DRAM1: variants seen among roughly 807,000 people sequenced by gnomAD.
DRAM1 encodes DNA damage regulated autophagy modulator 1.
DRAM1 carries 25 observed loss-of-function variants against 28.5 expected under a neutral mutation model. The observed-to-expected ratio is 0.88, with a 90% CI of 0.64 to 1.23. The LOEUF is 1.23. Among genes scored for constraint, DRAM1 ranks in the 50% most tolerant of loss-of-function variants. The probability of loss-of-function intolerance (pLI) is 0.00; values close to 1 mark genes in which losing one functional copy is unlikely to be tolerated. For missense variants in DRAM1, 249 were observed against 299.2 expected (o/e 0.83, Z 1.24); for synonymous variants, 113 against 114.2 (o/e 0.99, Z 0.07).
intron 1 of DRAM1, among the ~76,000 whole-genome samples, chr12:101,885,682 A>G (rs950056468): frequency 8.6e-5 from 13 of 152,034 alleles, no homozygotes; most frequent in African/African-American, 3.1e-4. Context: ...GCCCGCCACC[A>G]TGCCCACCTA....
At chr12:101,897,067 G>A (rs1414450988) in intron 1 of DRAM1, among the ~76,000 whole-genome samples, 9 of 152,182 alleles carry the variant, frequency 5.9e-5, no homozygotes, top group Non-Finnish European at 1.2e-4. Flanking sequence ...GATTACAGGC[G>A]TGAGCCACCG....
intron 3 of DRAM1, chr12:101,901,653 A>G: frequency 2.0e-6 from 1 of 501,142 alleles, no homozygotes; most frequent in Non-Finnish European, 3.5e-6. Flanking sequence ...TGGGAAACTG[A>G]GGTGGATCAT....
intron 5 of DRAM1, among the ~76,000 whole-genome samples, chr12:101,915,527 C>T (rs79155741): frequency 0.047 from 6,975 of 148,074 alleles, 551 homozygotes; most frequent in African/African-American, 0.16. Context: ...CCTAGGTGAC[C>T]AGAGTAAGAC....
In DRAM1 at chr12:101,888,786, ATTTTTTTTTTTTTTTT is replaced by A. The variant is rs34825466; in HGVS notation, c.132-9062_132-9047del. The stretch of plus-strand genomic sequence containing the variant: ...GGGCTGATGACTTTCAAACATCTCA[ATTTTTTTTTTTTTTTT>A]TTTTTTTTTTTTTTGGTCAGGGGAC... On this transcript the variant is annotated intron_variant, in intron 1 of 6. Coordinates refer to ENST00000258534, the MANE Select transcript of DRAM1 (RefSeq NM_018370.3). Among the ~76,000 whole-genome samples the A allele has an allele frequency of 3.0e-4, 32 of 107,966 alleles. No homozygotes were observed. In the Middle Eastern group the frequency reaches 0.014, roughly 49 times the overall value. The allele number at this position is 107,966 out of a possible 152,430, so 70.8% of individuals were successfully genotyped here.
In DRAM1 at chr12:101,880,278, C is replaced by CTTTTTTTT. The variant is rs61082909; in HGVS notation, c.131+2378_131+2385dup. 6.4e-4 allele frequency among the ~76,000 whole-genome samples: 45 copies of CTTTTTTTT among 70,096 alleles called. 1 individual carries two copies. The highest frequency in any genetic ancestry group is 8.8e-4 in the Non-Finnish European group (36 of 40,784). 46.0% of individuals were successfully genotyped at this position (70,096 alleles called of 152,430 possible). On this transcript the variant is annotated intron_variant, in intron 1 of 6. Transcript: ENST00000258534. ...ATCTTGCTGTGTCCTGCAATGCTTC[C>CTTTTTTTT]TTTTTTTTTTTTTTTTTTTTTTTTT... is the stretch of plus-strand genomic sequence containing the variant.
intron 1 of DRAM1, among the ~76,000 whole-genome samples, chr12:101,893,594 T>C (rs1472915658): frequency 6.6e-6 from 1 of 152,222 alleles, no homozygotes; most frequent in East Asian, 1.9e-4. Flanking sequence ...TGTGTAGCTC[T>C]GTGATCTTGA....
chr12:101,899,072 A>G (rs1040926389), intron 2 of DRAM1, among the ~76,000 whole-genome samples: 2 of 152,004 alleles, frequency 1.3e-5, no homozygotes, highest in Non-Finnish European at 2.9e-5. Context: ...GTTCCTCTCT[A>G]CTGGTACAGT....
chr12:101,896,616 A>G (rs1168843238), intron 1 of DRAM1, among the ~76,000 whole-genome samples: 1 of 152,140 alleles, frequency 6.6e-6, no homozygotes, highest in Admixed American at 6.5e-5. Context: ...AAAAAAAAAG[A>G]ACATGTCAAA....
chr12:101,891,663 A>G (rs1017971938), intron 1 of DRAM1, among the ~76,000 whole-genome samples: 1 of 152,258 alleles, frequency 6.6e-6, no homozygotes, highest in Non-Finnish European at 1.5e-5. Context: ...CTGTGTATAC[A>G]TAACAGCCTC....
chr12:101,890,376 G>C (rs1326915418), intron 1 of DRAM1, among the ~76,000 whole-genome samples: 1 of 72,756 alleles, frequency 1.4e-5, no homozygotes, highest in Non-Finnish European at 2.4e-5. Flanking sequence ...CACCGAGCCC[G>C]GCCCTATTTT....
intron 1 of DRAM1, among the ~76,000 whole-genome samples, chr12:101,896,883 G>A (rs927229938): frequency 6.6e-6 from 1 of 151,826 alleles, no homozygotes; most frequent in Non-Finnish European, 1.5e-5. Context: ...CGCCTCCTGG[G>A]TTCAAGTGAT....
chr12:101,896,475 A>G (rs1321202047), intron 1 of DRAM1, among the ~76,000 whole-genome samples: 2 of 152,140 alleles, frequency 1.3e-5, no homozygotes, highest in African/African-American at 4.8e-5. Context: ...AGAAAATAGA[A>G]CATGTTGGCC....
chr12:101,898,933 C>G (rs564479954), intron 2 of DRAM1, among the ~76,000 whole-genome samples: 1 of 152,274 alleles, frequency 6.6e-6, no homozygotes, highest in Admixed American at 6.5e-5. Context: ...TAATGTAAAG[C>G]TCAGTCTTCT....
chr12:101,907,493 C>T (rs979069043), intron 3 of DRAM1, among the ~76,000 whole-genome samples: 12 of 152,228 alleles, frequency 7.9e-5, no homozygotes, highest in African/African-American at 2.9e-4. Flanking sequence ...GTAATCCCAG[C>T]ACTTTGGGAG....
chr12:101,901,901 T>C (rs956522425), intron 3 of DRAM1, among the ~76,000 whole-genome samples: 6 of 149,228 alleles, frequency 4.0e-5, no homozygotes, highest in Admixed American at 4.0e-4. Context: ...TGAAAGTGAG[T>C]TCTGATACTT....
intron 1 of DRAM1, among the ~76,000 whole-genome samples, chr12:101,888,786 ATTTTTTTTT>A (rs34825466): frequency 1.9e-5 from 2 of 107,938 alleles, no homozygotes; most frequent in Non-Finnish European, 3.5e-5. Flanking sequence ...AAACATCTCA[ATTTTTTTTT>A]TTTTTTTTTT....
At chr12:101,889,616 G>GT (rs1368660474) in intron 1 of DRAM1, among the ~76,000 whole-genome samples, 2 of 152,190 alleles carry the variant, frequency 1.3e-5, no homozygotes, top group Non-Finnish European at 2.9e-5. Flanking sequence ...GATCAAGTTA[G>GT]TTTTCTAAGA....
intron 6 of DRAM1, 103 bp from the exon 7 acceptor site, chr12:101,921,113 G>A: frequency 1.2e-6 from 1 of 863,992 alleles, no homozygotes; most frequent in Non-Finnish European, 2.0e-6. Flanking sequence ...ACAAACCATA[G>A]TGAGATCATT....
At chr12:101,895,436 C>T (rs960944654) in intron 1 of DRAM1, among the ~76,000 whole-genome samples, 1 of 150,898 alleles carries the variant, frequency 6.6e-6, no homozygotes, top group Non-Finnish European at 1.5e-5. Flanking sequence ...CCTCGGCCCA[C>T]AGAAGTCCTG....
Sources: gnomAD v4.1 joint callset for allele counts (sites outside exome capture counted in the v4.1 genomes callset) on GRCh38, gnomAD v4.1.1 for gene constraint, MANE v1.5 for transcripts, NCBI Gene and HGNC (gene_info 2026-07-23, HGNC 2026-07-21) for gene names.